The following PNPLA7 variants were observed in gnomAD, a reference collection of about 807,000 sequenced individuals.
PNPLA7 encodes patatin like domain 7, lysophospholipase, also known as patatin-like phospholipase domain-containing protein 7.
Under a neutral mutation model 161.7 loss-of-function variants are expected in PNPLA7, and 153 were observed. That is an observed-to-expected ratio of 0.95 (90% CI 0.83 to 1.08). PNPLA7 has a LOEUF of 1.08. PNPLA7 is among the 50% of genes least tolerant of loss of function. The probability of loss-of-function intolerance (pLI) is 0.00; values close to 1 mark genes in which losing one functional copy is unlikely to be tolerated. For missense variants in PNPLA7, 1,739 were observed against 1,856.6 expected, an observed-to-expected ratio of 0.94 and a Z score of 1.16; for synonymous variants, 809 against 782.1, an observed-to-expected ratio of 1.03 and a Z score of -0.57.
rs117499421 is a variant in PNPLA7, at chr9:137,540,334, G to A, written c.747+308C>T. On this transcript the variant is annotated intron_variant, in intron 8 of 34. Coordinates refer to ENST00000406427, the MANE Select transcript of PNPLA7 (RefSeq NM_001098537.3). This position sits in a 1 kb window ranked among gnomAD's most constrained non-coding sequence, Gnocchi z 5.1. ...CTTGGGCCTGAGGAGAGGAGAAAAC[G>A]CCTTCCCTCTACAACACTTTGTGCC... Among the ~76,000 whole-genome samples the A allele has an allele frequency of 3.3e-3, 498 of 152,292 alleles. No individual in the cohort carries two copies. Among genetic ancestry groups the A allele is most frequent in the Non-Finnish European group, 5.1e-3 (348 of 68,028 alleles).
Position 137,520,762 on chromosome 9 carries a change from G to C in PNPLA7, c.958-719C>G, listed in dbSNP as rs1834942022. Among the ~76,000 whole-genome samples the C allele has an allele frequency of 6.6e-6, 1 of 152,240 alleles. No homozygotes were observed. Among genetic ancestry groups the C allele is most frequent in the African/African-American group, 2.4e-5 (1 of 41,466 alleles). On this transcript the variant is annotated intron_variant, in intron 10 of 34. Transcript: ENST00000406427. This position sits in a 1 kb window ranked among gnomAD's most constrained non-coding sequence, Gnocchi z 5.2. ...TCCCAGGGTCACACCGCCAGGAGGAGGGAGAGCCGGGGTTGACAGCCTTGT... is the reference window on the plus strand; with the variant it reads ...TCCCAGGGTCACACCGCCAGGAGGACGGAGAGCCGGGGTTGACAGCCTTGT...
intron 12 of PNPLA7, among the ~76,000 whole-genome samples, chr9:137,514,421 T>G (rs1388031344): frequency 1.9e-4 from 18 of 94,212 alleles, no homozygotes; most frequent in South Asian, 3.9e-4. Flanking sequence ...CGGATGTTGA[T>G]GTGCCGGGGC....
At chr9:137,497,567 G>A (rs193250512) in intron 17 of PNPLA7, among the ~76,000 whole-genome samples, 1,684 of 152,192 alleles carry the variant, frequency 0.011, 17 homozygotes, top group Admixed American at 0.018. Context: ...TCGCTCTGTC[G>A]CCCAGGCTGA....
chr9:137,547,545 C>T lies in PNPLA7; in HGVS notation c.105+40G>A, dbSNP rs766163505. 5.6e-6 allele frequency: 9 copies of T among 1,609,796 alleles called. No homozygotes were observed. Among genetic ancestry groups the T allele is most frequent in the Non-Finnish European group, 7.6e-6 (9 of 1,176,994 alleles). Reference sequence around the variant, plus strand: ...CAGGGAGAGGTGAAAAAGGCCACGGCCCATCCAGGTCTGGCTCCAGGGAAG... The same window carrying T: ...CAGGGAGAGGTGAAAAAGGCCACGGTCCATCCAGGTCTGGCTCCAGGGAAG... On this transcript the variant is annotated intron_variant, in intron 2 of 34. Coordinates refer to ENST00000406427, the MANE Select transcript of PNPLA7 (RefSeq NM_001098537.3). The surrounding 1 kb of genome is among the most constrained non-coding windows in gnomAD (Gnocchi z 4.6).
chr9:137,463,449 C>A lies in PNPLA7; in HGVS notation c.3309G>T (p.Leu1103=). 6.2e-7 allele frequency: 1 copy of A among 1,601,658 alleles called. No homozygotes were observed. The highest frequency in any genetic ancestry group is 1.7e-5 in the Admixed American group (1 of 58,316). Residue 1103 remains leucine, a synonymous_variant, in exon 29 of 35, where the codon CTG becomes CTT. Transcript: ENST00000406427. ...PPLCDPKDGH[L]LMDGGYINNL... ...TGTTGATGTAGCCCCCGTCCATCAG[C>A]AGGTGTCCGTCCTTCGGGTCACAGA...
In PNPLA7 at chr9:137,497,261, G is replaced by T; in HGVS notation, c.1939C>A (p.Arg647Ser). The change falls in exon 18 of 35, where the codon CGC becomes AGC. Residue 647 changes from arginine to serine, a missense_variant. This residue lies in a region of PNPLA7 where 481 missense variants were observed against 450.0 expected (regional missense o/e 1.07). Coordinates refer to ENST00000406427, the MANE Select transcript of PNPLA7 (RefSeq NM_001098537.3). ...CCATCATCCTTCCGGATCACAGAGC[G>T]CAGCCGGCCGCTGAGCATGATGTAC... ...CTYIMLSGRL[R>S]SVIRKDDGKK... The T allele has an allele frequency of 6.3e-7, 1 of 1,588,508 alleles. No homozygotes were observed.
intron 8 of PNPLA7, among the ~76,000 whole-genome samples, chr9:137,539,863 G>A (rs1014098842): frequency 6.6e-6 from 1 of 152,102 alleles, no homozygotes; most frequent in African/African-American, 2.4e-5. Flanking sequence ...TTGGCTCACT[G>A]CAACCTCTAC....
chr9:137,546,894 G>A lies in PNPLA7; in HGVS notation c.209C>T (p.Thr70Ile). The A allele has an allele frequency of 1.2e-6, 2 of 1,613,928 alleles. No homozygotes were observed. The highest frequency in any genetic ancestry group is 1.7e-6 in the Non-Finnish European group (2 of 1,179,986). Residue 70 changes from threonine to isoleucine, a missense_variant, in exon 4 of 35, where the codon ACT becomes ATT. Thr to Ile is a moderately conservative substitution (Grantham distance 89, BLOSUM62 -1). Transcript: ENST00000406427. ...TCTCTTCCGGAACCGGTACTGAGGA[G>A]TGGGCTGTGCTTGTCCTGCAGGGGA... ...RLRQFRQAQPTPQYRFRKRDK... is the reference protein window; with the variant it reads ...RLRQFRQAQPIPQYRFRKRDK...
chr9:137,504,345 G>A (rs760335305), intron 14 of PNPLA7, among the ~76,000 whole-genome samples: 1 of 152,180 alleles, frequency 6.6e-6, no homozygotes, highest in East Asian at 1.9e-4. Context: ...CCAAGTAGCT[G>A]GGATTACAGG....
intron 25 of PNPLA7, among the ~76,000 whole-genome samples, chr9:137,474,953 G>C (rs1292061838): frequency 7.0e-6 from 1 of 142,670 alleles, no homozygotes; most frequent in Non-Finnish European, 1.5e-5. Context: ...CCTGGGAGGC[G>C]GAGCTTGCAG....
At chr9:137,471,779 C>T (rs555530537) in intron 25 of PNPLA7, among the ~76,000 whole-genome samples, 3 of 152,036 alleles carry the variant, frequency 2.0e-5, no homozygotes, top group African/African-American at 7.2e-5. Context: ...CTGGAAGGCT[C>T]AATGTTGTCG....
intron 21 of PNPLA7, among the ~76,000 whole-genome samples, chr9:137,481,511 A>G (rs1214803995): frequency 6.6e-6 from 1 of 152,130 alleles, no homozygotes; most frequent in East Asian, 1.9e-4. Flanking sequence ...CTTCTCAACC[A>G]GGGGCGCCAG....
rs190241321 is a variant in PNPLA7, at chr9:137,549,548, C to T, written c.30+620G>A. Among the ~76,000 whole-genome samples the T allele has an allele frequency of 7.3e-5, 10 of 136,568 alleles. No individual in the cohort carries two copies. In the South Asian group the frequency reaches 1.6e-3, roughly 22 times the overall value. 89.6% of individuals were successfully genotyped at this position (136,568 alleles called of 152,430 possible). On this transcript the variant is annotated intron_variant, in intron 1 of 34. Coordinates refer to ENST00000406427, the MANE Select transcript of PNPLA7 (RefSeq NM_001098537.3). ...TCGTGCCACTGCAATCCAGCTTGGGCGACAGAGCAAGACTCCGTCTCAAAA... is the reference window on the plus strand; with the variant it reads ...TCGTGCCACTGCAATCCAGCTTGGGTGACAGAGCAAGACTCCGTCTCAAAA...
At chr9:137,522,679 C>T (rs758001852) in intron 9 of PNPLA7, 50 bp downstream of exon 9, 1 of 1,606,476 alleles carries the variant, frequency 6.2e-7, no homozygotes, top group Non-Finnish European at 8.5e-7. Context: ...CCCAGGCCCC[C>T]CCAGGGTGAC....
chr9:137,500,324 G>A lies in PNPLA7; in HGVS notation c.1757+367C>T, dbSNP rs777376105. On this transcript the variant is annotated intron_variant, in intron 16 of 34. Transcript: ENST00000406427. This position sits in a 1 kb window ranked among gnomAD's most constrained non-coding sequence, Gnocchi z 5.5. Reference sequence around the variant, plus strand: ...AGGCTGCAGAGGTGGGACGGCTCACGGCCCCTGAAGCCCGGCCCTGCCCCA... The same window carrying A: ...AGGCTGCAGAGGTGGGACGGCTCACAGCCCCTGAAGCCCGGCCCTGCCCCA... Among the ~76,000 whole-genome samples the A allele has an allele frequency of 3.9e-5, 6 of 152,346 alleles. No individual in the cohort carries two copies. The highest frequency in any genetic ancestry group is 3.4e-3 in the Middle Eastern group (1 of 294).
At chr9:137,544,918 GA>G (rs1836411070) in intron 4 of PNPLA7, among the ~76,000 whole-genome samples, 1 of 152,158 alleles carries the variant, frequency 6.6e-6, no homozygotes, top group Non-Finnish European at 1.5e-5. Context: ...AAAGTGCTGA[GA>G]GTACAGGCGT....
chr9:137,492,593 T>A (rs1162406914), intron 20 of PNPLA7, among the ~76,000 whole-genome samples: 3 of 5,866 alleles, frequency 5.1e-4, no homozygotes, highest in Admixed American at 3.2e-3. Context: ...GTGGGCTGGG[T>A]GGGTGGGGCC....
In PNPLA7 at chr9:137,467,275, C is replaced by A. The variant is rs1831521391; in HGVS notation, c.3039+42G>T. ...AGCGTCCCCCAGCACCAGCAAGGAC[C>A]TGGGGGCTGTGCTCCGGTGAGGGTG... is the stretch of plus-strand genomic sequence containing the variant. On this transcript the variant is annotated intron_variant, in intron 26 of 34. Transcript: ENST00000406427. This position sits in a 1 kb window ranked among gnomAD's most constrained non-coding sequence, Gnocchi z 5.1. The A allele has an allele frequency of 6.3e-7, 1 of 1,578,418 alleles. No individual in the cohort carries two copies. The highest frequency in any genetic ancestry group is 1.8e-5 in the Admixed American group (1 of 56,244).
Position 137,501,678 on chromosome 9 carries a change from C to T in PNPLA7, c.1523G>A (p.Gly508Asp), listed in dbSNP as rs376872161. 4 of 1,612,486 alleles carry T rather than the reference C, an allele frequency of 2.5e-6. No homozygotes were observed. The highest frequency in any genetic ancestry group is 3.4e-6 in the Non-Finnish European group (4 of 1,179,894). Residue 508 changes from glycine to aspartate, a missense_variant, in exon 15 of 35, where the codon GGC becomes GAC. By Grantham distance (94) the Gly-to-Asp change is moderately conservative. This residue lies in a region of PNPLA7 where 481 missense variants were observed against 450.0 expected (regional missense o/e 1.07). Transcript: ENST00000406427. ...GRVALLHVPA[G>D]TVVSRQGDQD... ...GTCTCCCTGCCTTGACACCACCGTG[C>T]CTGCAGGAACGTGCAGAAGCGCCAC...
Sources: gnomAD v4.1 joint callset for allele counts (sites outside exome capture counted in the v4.1 genomes callset) on GRCh38, gnomAD v4.1.1 for gene constraint, gnomAD v4.1.1 regional missense constraint, Gnocchi (gnomAD v3.1) non-coding constraint, MANE v1.5 for transcripts, NCBI Gene and HGNC (gene_info 2026-07-23, HGNC 2026-07-21) for gene names.